LMLN: variants seen among roughly 807,000 people sequenced by gnomAD.
LMLN encodes leishmanolysin-like peptidase.
LMLN carries 70 observed loss-of-function variants against 92.3 expected under a neutral mutation model. The observed-to-expected ratio is 0.76, with a 90% CI of 0.63 to 0.92. The LOEUF (loss-of-function observed/expected upper bound fraction) is 0.92, where lower values mean the gene tolerates loss of function less well. LMLN is among the 40% of genes least tolerant of loss of function. LMLN has a pLI of 0.00. For missense variants in LMLN, 691 were observed against 814.6 expected (o/e 0.85, Z 1.85); for synonymous variants, 308 against 296.2 (o/e 1.04, Z -0.41).
chr3:198,024,186 T>C (rs905831798), intron 13 of LMLN, among the ~76,000 whole-genome samples: 17 of 151,890 alleles, frequency 1.1e-4, no homozygotes, highest in African/African-American at 4.1e-4. Context: ...AAGAACCTAG[T>C]GTGAGTTTGG....
intron 1 of LMLN, among the ~76,000 whole-genome samples, chr3:197,963,416 C>T (rs1309143767): frequency 1.3e-5 from 2 of 152,102 alleles, no homozygotes; most frequent in African/African-American, 4.8e-5. Flanking sequence ...GTTTTGAACT[C>T]CTGGCCTTAG....
intron 8 of LMLN, among the ~76,000 whole-genome samples, chr3:197,989,442 CT>C (rs1334739439): frequency 1.3e-5 from 2 of 151,926 alleles, no homozygotes; most frequent in African/African-American, 4.8e-5. Flanking sequence ...GGGATTTAAC[CT>C]TTTTTTTCTA....
chr3:198,041,017 C>A (rs1251060561), exon 16 of LMLN: 1 of 152,538 alleles, frequency 6.6e-6, no homozygotes, highest in Non-Finnish European at 1.5e-5. Context: ...TCCTTCCCTG[C>A]TTTTCGTCCA....
chr3:198,030,997 G>A (rs912362904), intron 14 of LMLN, among the ~76,000 whole-genome samples: 5 of 151,594 alleles, frequency 3.3e-5, no homozygotes, highest in African/African-American at 4.8e-5. Context: ...CCACCGTGAC[G>A]CCTGCTGACA....
At chr3:198,002,976 G>T (rs759603313) in intron 11 of LMLN, 39 bp from the exon 12 acceptor site, 96 of 1,153,370 alleles carry the variant, frequency 8.3e-5, no homozygotes, top group Non-Finnish European at 1.2e-4. Flanking sequence ...TTTTTGAAAG[G>T]ACAGCAGTAA....
chr3:197,962,195 T>A (rs1461793027), intron 1 of LMLN, among the ~76,000 whole-genome samples: 1 of 152,100 alleles, frequency 6.6e-6, no homozygotes, highest in African/African-American at 2.4e-5. Flanking sequence ...ACTAGATTAG[T>A]TTGGCCAATT....
intron 1 of LMLN, among the ~76,000 whole-genome samples, chr3:197,968,542 G>T (rs1337775871): frequency 6.6e-6 from 1 of 151,924 alleles, no homozygotes; most frequent in Non-Finnish European, 1.5e-5. Flanking sequence ...TTCAGAGATT[G>T]CAGTAAAGAC....
Position 198,024,536 on chromosome 3 carries a change from A to C in LMLN, c.1526-122A>C, listed in dbSNP as rs962871974. ...AGCCTACCCTAATTTTTTAAATTTAAAATTTCCATGAAACATGTCTGATTT... is the reference window on the plus strand; with the variant it reads ...AGCCTACCCTAATTTTTTAAATTTACAATTTCCATGAAACATGTCTGATTT... On this transcript the variant is annotated intron_variant, in intron 13 of 15. Transcript: ENST00000330198. 18 of 968,346 alleles carry C rather than the reference A, an allele frequency of 1.9e-5. No homozygotes were observed. In the African/African-American group the frequency reaches 3.1e-4, roughly 16 times the overall value. 60.0% of individuals were successfully genotyped at this position (968,346 alleles called of 1,614,324 possible).
At chr3:197,982,739 AAAAT>A (rs1359216295) in intron 6 of LMLN, among the ~76,000 whole-genome samples, 5 of 152,262 alleles carry the variant, frequency 3.3e-5, no homozygotes, top group African/African-American at 1.2e-4. Context: ...TACTTCATAG[AAAAT>A]AAATAGAATG....
chr3:197,986,934 G>A (rs554817934), intron 8 of LMLN, among the ~76,000 whole-genome samples: 2 of 150,504 alleles, frequency 1.3e-5, no homozygotes, highest in Admixed American at 1.3e-4. Context: ...CCGCCTCCAG[G>A]GTTCACGCCA....
rs557700655 is a variant in LMLN, at chr3:197,961,559, T to C, written c.219+1119T>C. Among the ~76,000 whole-genome samples the C allele has an allele frequency of 2.0e-5, 3 of 152,346 alleles. No individual in the cohort carries two copies. In the East Asian group the frequency reaches 5.8e-4, roughly 29 times the overall value. ...TCCCACAAAACCCTGCACTTCTCTC[T>C]TTTAATTTGGATTAAAATAAGAGAA... On this transcript the variant is annotated intron_variant, in intron 1 of 15. Transcript: ENST00000330198.
At chr3:198,040,560 C>G (rs985899244) in exon 16 of LMLN, 1 of 151,172 alleles carries the variant, frequency 6.6e-6, no homozygotes, top group African/African-American at 2.4e-5. Context: ...GTAACCACAA[C>G]CCTCGGACAG....
At chr3:198,007,943 G>C (rs1722336056) in intron 11 of LMLN, among the ~76,000 whole-genome samples, 1 of 152,164 alleles carries the variant, frequency 6.6e-6, no homozygotes, top group Non-Finnish European at 1.5e-5. Flanking sequence ...AATCATGAAT[G>C]GATATTGCCT....
At chr3:197,994,532 A>G (rs1255402654) in intron 9 of LMLN, 1 of 152,186 alleles carries the variant, frequency 6.6e-6, no homozygotes, top group Non-Finnish European at 1.5e-5. Flanking sequence ...TCCTTAGGGA[A>G]ATGAAAATTA....
intron 5 of LMLN, among the ~76,000 whole-genome samples, chr3:197,977,520 TAC>T: frequency 6.6e-6 from 1 of 151,342 alleles, no homozygotes; most frequent in South Asian, 2.1e-4. Context: ...TCTGGAAGTA[TAC>T]ACACGTTAAA....
chr3:197,977,233 C>T (rs114291578), intron 5 of LMLN, among the ~76,000 whole-genome samples: 2 of 152,134 alleles, frequency 1.3e-5, no homozygotes, highest in Admixed American at 1.3e-4. Flanking sequence ...TGAAGGAGAT[C>T]TCTATGTACT....
intron 11 of LMLN, among the ~76,000 whole-genome samples, chr3:198,002,162 T>A (rs1428479911): frequency 6.6e-6 from 1 of 152,204 alleles, no homozygotes; most frequent in African/African-American, 2.4e-5. Context: ...ACTAGAACTT[T>A]TTTTTTTGAG....
chr3:197,995,321 T>C (rs1049809619), intron 9 of LMLN, among the ~76,000 whole-genome samples: 4 of 152,078 alleles, frequency 2.6e-5, no homozygotes, highest in African/African-American at 7.3e-5. Flanking sequence ...AGGCTATTAA[T>C]AGTTAAGTTA....
At chr3:198,018,510 T>C (rs1722701290) in intron 11 of LMLN, among the ~76,000 whole-genome samples, 1 of 152,206 alleles carries the variant, frequency 6.6e-6, no homozygotes, top group Non-Finnish European at 1.5e-5. Context: ...CTGCTTCCCA[T>C]TTGCTGAAGA....
Sources: gnomAD v4.1 joint callset for allele counts (sites outside exome capture counted in the v4.1 genomes callset) on GRCh38, gnomAD v4.1.1 for gene constraint, MANE v1.5 for transcripts, NCBI Gene and HGNC (gene_info 2026-07-23, HGNC 2026-07-21) for gene names.